Variants in SPATA18 observed in about 807,000 individuals in gnomAD.
SPATA18 encodes mitochondria-eating protein.
In SPATA18, 54 loss-of-function variants were observed where a neutral mutation model predicts 68.1. That is an observed-to-expected ratio of 0.79 (90% CI 0.64 to 0.99). SPATA18 has a LOEUF of 0.99. SPATA18 is among the 50% of genes least tolerant of loss of function. The pLI is 0.00. For missense variants in SPATA18, 724 were observed against 681.1 expected, an observed-to-expected ratio of 1.06 and a Z score of -0.70; for synonymous variants, 242 against 244.8, an observed-to-expected ratio of 0.99 and a Z score of 0.11.
rs2109554981 is a variant in SPATA18 at position 52,095,622 on chromosome 4, A to C, written c.*735A>C. ...GTGATTTGATTAGAAGCCAGCTTTGAGATAAATGTTAATTACCTCATGCAT... is the reference window on the plus strand; with the variant it reads ...GTGATTTGATTAGAAGCCAGCTTTGCGATAAATGTTAATTACCTCATGCAT... On this transcript the variant is annotated 3_prime_UTR_variant, in exon 13 of 13. Transcript: ENST00000295213. 6.6e-6 allele frequency: 1 copy of C among 152,354 alleles called. No homozygotes were observed. Among genetic ancestry groups the C allele is most frequent in the African/African-American group, 2.4e-5 (1 of 41,594 alleles). 9.4% of individuals were successfully genotyped at this position (152,354 alleles called of 1,614,324 possible).
intron 4 of SPATA18, among the ~76,000 whole-genome samples, chr4:52,064,803 T>C (rs955111371): frequency 5.9e-5 from 9 of 152,220 alleles, no homozygotes; most frequent in African/African-American, 1.9e-4. Context: ...AGTAGTGGGA[T>C]TGCTGGATCA....
chr4:52,078,108 TA>T (rs11447541), intron 7 of SPATA18, among the ~76,000 whole-genome samples: 92,410 of 148,822 alleles, frequency 0.62, 33,115 homozygotes, highest in Non-Finnish European at 0.81. Context: ...TAAAGGGTTG[TA>T]AAAAAAAAAA....
At chr4:52,088,202 T>A (rs1464518333) in intron 11 of SPATA18, among the ~76,000 whole-genome samples, 1 of 152,212 alleles carries the variant, frequency 6.6e-6, no homozygotes, top group East Asian at 1.9e-4. Context: ...AAATATACAA[T>A]CATGTCATCT....
At chr4:52,073,128 G>T (rs1740010131) in intron 6 of SPATA18, among the ~76,000 whole-genome samples, 1 of 152,080 alleles carries the variant, frequency 6.6e-6, no homozygotes, top group African/African-American at 2.4e-5. Context: ...GAATCATTCT[G>T]TCAGTGTTGT....
chr4:52,077,118 C>T, intron 7 of SPATA18, 78 bp downstream of exon 7: 1 of 1,462,424 alleles, frequency 6.8e-7, no homozygotes. Context: ...GAACAACTTA[C>T]AAAGACTAGT....
At chr4:52,091,711 C>T (rs1196676682) in intron 11 of SPATA18, among the ~76,000 whole-genome samples, 1 of 152,126 alleles carries the variant, frequency 6.6e-6, no homozygotes. Flanking sequence ...GTCTGTTGGC[C>T]CCAGTTGGGA....
intron 4 of SPATA18, among the ~76,000 whole-genome samples, chr4:52,066,306 A>G (rs1739307083): frequency 6.6e-6 from 1 of 151,984 alleles, no homozygotes. Context: ...ACCCGCCACC[A>G]TGCCTGGCTA....
At chr4:52,093,769 T>G (rs947958815) in intron 11 of SPATA18, among the ~76,000 whole-genome samples, 2 of 152,150 alleles carry the variant, frequency 1.3e-5, no homozygotes, top group Non-Finnish European at 2.9e-5. Flanking sequence ...TCTCTTTCTT[T>G]CTCATGTTGT....
chr4:52,085,047 C>CTT (rs10556262), intron 11 of SPATA18, 48 bp downstream of exon 11: 8 of 1,148,516 alleles, frequency 7.0e-6, no homozygotes, highest in African/African-American at 4.8e-5. Context: ...CTATGGTTGG[C>CTT]TTTTTTTTTT....
intron 7 of SPATA18, 68 bp from the exon 8 acceptor site, chr4:52,078,667 A>T: frequency 1.4e-6 from 2 of 1,396,566 alleles, no homozygotes; most frequent in Non-Finnish European, 1.9e-6. Context: ...ATTCTTTCTA[A>T]TTCCTTGTTT....
intron 10 of SPATA18, 115 bp from the exon 11 acceptor site, chr4:52,084,801 C>A (rs540405368): frequency 2.1e-6 from 2 of 960,854 alleles, no homozygotes; most frequent in East Asian, 2.6e-5. Flanking sequence ...CAGTAATGGG[C>A]AAGTGTAATC....
In SPATA18 at chr4:52,079,798, G is replaced by T. The variant is rs1740759005; in HGVS notation, c.1234G>T (p.Asp412Tyr). The T allele has an allele frequency of 6.2e-7, 1 of 1,614,020 alleles. No individual in the cohort carries two copies. The highest frequency in any genetic ancestry group is 8.5e-7 in the Non-Finnish European group (1 of 1,179,928). ...CAAGATTTCATTCCCTCCTGTCGTT[G>T]ACTTTTGCCTTCTCAGTGACTTCAT... ...NPKISFPPVVDFCLLSDFIQE... is the reference protein window; with the variant it reads ...NPKISFPPVVYFCLLSDFIQE... Residue 412 changes from aspartate to tyrosine, a missense_variant, in exon 9 of 13, where the codon GAC becomes TAC. Physicochemically the swap from Asp to Tyr is radical, Grantham distance 160. Transcript: ENST00000295213.
At position 52,062,330 on chromosome 4, in the gene SPATA18, C is replaced by G. The variant is rs149900810; in HGVS notation, c.420C>G (p.Asp140Glu). 22 of 1,585,982 alleles carry G rather than the reference C, an allele frequency of 1.4e-5. No individual in the cohort carries two copies. In the African/African-American group the frequency reaches 2.6e-4, roughly 19 times the overall value. ...STRSQCNQVQ[D>E]DLVETEKNLE... ...GGAGTCAATGCAACCAGGTTCAAGACGAGTAAGAGGAATGCAAGTTATCTT... is the reference window on the plus strand; with the variant it reads ...GGAGTCAATGCAACCAGGTTCAAGAGGAGTAAGAGGAATGCAAGTTATCTT... Residue 140 changes from aspartate (D) to glutamate (E), a missense_variant and splice_region_variant, in exon 4 of 13, where the codon GAC becomes GAG. Transcript: ENST00000295213.
intron 5 of SPATA18, among the ~76,000 whole-genome samples, chr4:52,070,949 A>G (rs904032637): frequency 6.6e-5 from 10 of 151,922 alleles, no homozygotes; most frequent in Non-Finnish European, 1.3e-4. Flanking sequence ...ATGTGTTCCA[A>G]TGGTTCTGAT....
chr4:52,067,368 T>C (rs1196523781), intron 4 of SPATA18, among the ~76,000 whole-genome samples: 1 of 152,188 alleles, frequency 6.6e-6, no homozygotes, highest in Non-Finnish European at 1.5e-5. Flanking sequence ...TTCTTTTAAG[T>C]TTGTTTAAGT....
At position 52,079,904 on chromosome 4, in the gene SPATA18, T is replaced by C; in HGVS notation, c.1340T>C (p.Val447Ala). 6.2e-7 allele frequency: 1 copy of C among 1,612,034 alleles called. No homozygotes were observed. Among genetic ancestry groups the C allele is most frequent in the Non-Finnish European group, 8.5e-7 (1 of 1,179,194 alleles). ...LDIAYGADGEVFNDCKYRRSY... is the reference protein window; with the variant it reads ...LDIAYGADGEAFNDCKYRRSY... The stretch of plus-strand genomic sequence containing the variant: ...ATTGCATATGGAGCAGATGGAGAAG[T>C]TTTTAATGATTGCAAGTAAGAGACA... Residue 447 changes from valine to alanine, a missense_variant, in exon 9 of 13, where the codon GTT (valine) becomes GCT (alanine). By Grantham distance (64) the Val-to-Ala change is moderately conservative. Coordinates refer to ENST00000295213, the MANE Select transcript of SPATA18 (RefSeq NM_145263.4).
chr4:52,094,979 C>G lies in SPATA18; in HGVS notation c.*92C>G. 1 of 1,490,590 alleles carries G rather than the reference C, an allele frequency of 6.7e-7. No individual in the cohort carries two copies. 92.3% of individuals were successfully genotyped at this position (1,490,590 alleles called of 1,614,324 possible). A position where few individuals can be genotyped will look rare whatever the true frequency, so the allele number is the denominator to read the frequency against. ...TCTTCTGTGTCTGCCTCAGACCTCA[C>G]TTAAGATAATGTCAAAAGGCAATTC... On this transcript the variant is annotated 3_prime_UTR_variant, in exon 13 of 13. Coordinates refer to ENST00000295213, the MANE Select transcript of SPATA18 (RefSeq NM_145263.4).
chr4:52,069,645 A>T (rs536030118), intron 4 of SPATA18, among the ~76,000 whole-genome samples, 176 bp from the exon 5 acceptor site: 1 of 152,230 alleles, frequency 6.6e-6, no homozygotes, highest in African/African-American at 2.4e-5. Flanking sequence ...GTTTTAGCAT[A>T]CAAGTCCACC....
At chr4:52,054,469 A>C (rs13148392) in intron 1 of SPATA18, among the ~76,000 whole-genome samples, 512 of 152,326 alleles carry the variant, frequency 3.4e-3, no homozygotes, top group Non-Finnish European at 5.2e-3. Flanking sequence ...ATTAATGATG[A>C]ATGGGTTGGC....
Sources: allele counts gnomAD v4.1 joint callset (sites outside exome capture counted in the v4.1 genomes callset), GRCh38; gene constraint gnomAD v4.1.1; transcripts MANE v1.5; gene names NCBI Gene and HGNC (gene_info 2026-07-23, HGNC 2026-07-21).